HDAC9: variants seen among roughly 807,000 people sequenced by gnomAD.
HDAC9 encodes MEF-2 interacting transcription repressor (MITR) protein.
HDAC9 carries 41 observed loss-of-function variants against 139.4 expected under a neutral mutation model. That is an observed-to-expected ratio of 0.29 (90% confidence interval 0.23 to 0.38). The LOEUF (loss-of-function observed/expected upper bound fraction) is 0.38, where lower values mean the gene tolerates loss of function less well. HDAC9 is among the 10% of genes least tolerant of loss of function. The pLI is 1.00. For synonymous variants in HDAC9, 517 were observed against 476.2 expected (o/e 1.09, Z -1.12); for missense variants, 1,147 against 1,297.0 (o/e 0.88, Z 1.78).
chr7:18,631,680 G>C (rs1782392153), intron 7 of HDAC9, among the ~76,000 whole-genome samples: 1 of 151,394 alleles, frequency 6.6e-6, no homozygotes, highest in Non-Finnish European at 1.5e-5. Flanking sequence ...TCAAATTCAA[G>C]TATTTTCTGC....
At chr7:18,848,028 C>A (rs976233873) in intron 21 of HDAC9, among the ~76,000 whole-genome samples, 1 of 152,172 alleles carries the variant, frequency 6.6e-6, no homozygotes, top group African/African-American at 2.4e-5. Flanking sequence ...CATGATCCTG[C>A]TAACCATTTA....
intron 17 of HDAC9, among the ~76,000 whole-genome samples, chr7:18,795,923 G>T (rs2129180986): frequency 6.6e-6 from 1 of 152,296 alleles, no homozygotes; most frequent in African/African-American, 2.4e-5. Flanking sequence ...GAACTTGGAA[G>T]AAAATAGGGA....
At chr7:18,599,477 C>T (rs1833373136) in intron 6 of HDAC9, among the ~76,000 whole-genome samples, 1 of 152,172 alleles carries the variant, frequency 6.6e-6, no homozygotes, top group African/African-American at 2.4e-5. Flanking sequence ...TCCCCCCACC[C>T]AACTTTTGGT....
At chr7:18,407,729 T>G (rs1245013661) in intron 1 of HDAC9, among the ~76,000 whole-genome samples, 2 of 152,170 alleles carry the variant, frequency 1.3e-5, no homozygotes, top group Non-Finnish European at 2.9e-5. Flanking sequence ...CTGGCAGAAC[T>G]GTTTTTCATA....
At chr7:18,614,401 CTTCTTTGTTGTG>C (rs935951309) in intron 6 of HDAC9, among the ~76,000 whole-genome samples, 20 of 152,156 alleles carry the variant, frequency 1.3e-4, no homozygotes, top group Admixed American at 1.2e-3. Flanking sequence ...TCTCTGTTGT[CTTCTTTGTTGTG>C]TTCTTTTGTC....
chr7:18,381,549 A>C (rs990299583), intron 1 of HDAC9, among the ~76,000 whole-genome samples: 3 of 152,132 alleles, frequency 2.0e-5, no homozygotes, highest in Non-Finnish European at 4.4e-5. Flanking sequence ...ATAAAATATC[A>C]TAATGTATGG....
At chr7:18,388,255 C>T (rs1786126653) in intron 1 of HDAC9, among the ~76,000 whole-genome samples, 1 of 152,108 alleles carries the variant, frequency 6.6e-6, no homozygotes, top group Non-Finnish European at 1.5e-5. Flanking sequence ...GTTCCCAGTA[C>T]CCCTGCCATG....
In HDAC9 at chr7:18,975,841, C is replaced by T. The variant is rs2129337771; in HGVS notation, c.3058C>T (p.Pro1020Ser). Reference protein sequence around the residue: ...YWKSVRMVAVPRGCALAGAQL... With the variant: ...YWKSVRMVAVSRGCALAGAQL... ...GAAGTCAGTAAGGATGGTGGCTGTG[C>T]CAAGGGGCTGTGCTCTGGCTGGTGC... Residue 1020 changes from proline to serine, a missense_variant, in exon 25 of 26, where the codon CCA becomes TCA. Around this residue, in one of 7 missense-constraint regions of HDAC9, gnomAD observed 407 missense variants for 521.5 expected, o/e 0.78. Transcript: ENST00000686413. 6.2e-7 allele frequency: 1 copy of T among 1,613,828 alleles called. No individual in the cohort carries two copies.
chr7:18,755,784 T>C (rs1253850273), intron 14 of HDAC9, among the ~76,000 whole-genome samples: 1 of 152,160 alleles, frequency 6.6e-6, no homozygotes, highest in Non-Finnish European at 1.5e-5. Context: ...TTTTCTGAAG[T>C]GCTTTAGAAA....
At chr7:18,313,201 A>G (rs1020353047) in intron 1 of HDAC9, among the ~76,000 whole-genome samples, 1 of 152,140 alleles carries the variant, frequency 6.6e-6, no homozygotes, top group African/African-American at 2.4e-5. Flanking sequence ...AAAAGTATTC[A>G]ATATTAGTGA....
At chr7:18,745,883 C>CTTCTTT (rs1554344383) in intron 13 of HDAC9, among the ~76,000 whole-genome samples, 1 of 99,484 alleles carries the variant, frequency 1.0e-5, no homozygotes, top group African/African-American at 4.2e-5. Flanking sequence ...TCTTCTTCTT[C>CTTCTTT]TTTTTTTTTT....
At chr7:18,941,523 T>G (rs1782028208) in intron 23 of HDAC9, among the ~76,000 whole-genome samples, 1 of 152,134 alleles carries the variant, frequency 6.6e-6, no homozygotes, top group Non-Finnish European at 1.5e-5. Context: ...AGGGAAGTTG[T>G]TTTGCCATCT....
chr7:18,747,346 C>T (rs1376567468), intron 13 of HDAC9, among the ~76,000 whole-genome samples: 4 of 152,066 alleles, frequency 2.6e-5, no homozygotes, highest in Non-Finnish European at 5.9e-5. Context: ...GATAATAACA[C>T]CTTGGATTGT....
chr7:18,977,930 A>ACACACT (rs1784651751), intron 25 of HDAC9, among the ~76,000 whole-genome samples: 1 of 146,956 alleles, frequency 6.8e-6, no homozygotes, highest in South Asian at 2.1e-4. Context: ...ACACACACAC[A>ACACACT]CACACACACA....
At chr7:18,585,818 A>G (rs1829306745) in intron 3 of HDAC9, among the ~76,000 whole-genome samples, 1 of 152,122 alleles carries the variant, frequency 6.6e-6, no homozygotes, top group Admixed American at 6.5e-5. Context: ...CATTTGCCCC[A>G]TCTGCTCTCC....
chr7:18,703,319 C>T (rs925960894), intron 12 of HDAC9, among the ~76,000 whole-genome samples: 5 of 152,172 alleles, frequency 3.3e-5, no homozygotes, highest in Non-Finnish European at 5.9e-5. Context: ...TCCCTGACTT[C>T]CTATTTTCAT....
chr7:18,310,297 GAAAAACAC>G (rs1026677562), intron 1 of HDAC9, among the ~76,000 whole-genome samples: 2 of 152,104 alleles, frequency 1.3e-5, no homozygotes, highest in African/African-American at 4.8e-5. Context: ...ACACGGTTTT[GAAAAACAC>G]TGGGATAGAT....
chr7:18,243,652 A>G (rs907696954), intron 2 of HDAC9, among the ~76,000 whole-genome samples: 1 of 152,240 alleles, frequency 6.6e-6, no homozygotes, highest in Non-Finnish European at 1.5e-5. Context: ...CTAGGCTAAG[A>G]TCATCTCCTC....
Position 18,969,082 on chromosome 7 carries a change from G to A in HDAC9, c.3023-6724G>A, listed in dbSNP as rs190189664. On this transcript the variant is annotated intron_variant, in intron 24 of 25. Transcript: ENST00000686413. ...GCCACACACACACACACACGTGCGC[G>A]CGTGCACAGAGTGCTGCATGTACAG... Among the ~76,000 whole-genome samples the A allele has an allele frequency of 3.7e-3, 553 of 151,226 alleles. 3 individuals carry two copies. The highest frequency in any genetic ancestry group is 0.014 in the Middle Eastern group (4 of 290).
Sources: allele counts gnomAD v4.1 joint callset (sites outside exome capture counted in the v4.1 genomes callset), GRCh38; gene constraint gnomAD v4.1.1; regional missense constraint gnomAD v4.1.1; transcripts MANE v1.5; gene names NCBI Gene and HGNC (gene_info 2026-07-23, HGNC 2026-07-21).